Variants in ST8SIA6 observed in about 807,000 individuals in gnomAD.
ST8SIA6 encodes alpha-2,8-sialyltransferase 8F.
ST8SIA6 carries 39 observed loss-of-function variants against 33.6 expected under a neutral mutation model. That is an observed-to-expected ratio of 1.16 (90% confidence interval 0.90 to 1.52). The LOEUF is 1.52. Among genes scored for constraint, ST8SIA6 ranks in the 40% most tolerant of loss-of-function variants. ST8SIA6 has a pLI of 0.00. For synonymous variants in ST8SIA6, 172 were observed against 167.2 expected (o/e 1.03, Z -0.22); for missense variants, 441 against 443.8 (o/e 0.99, Z 0.06).
intron 2 of ST8SIA6, among the ~76,000 whole-genome samples, chr10:17,434,734 GACAC>G (rs112788153): frequency 6.7e-6 from 1 of 148,462 alleles, no homozygotes; most frequent in African/African-American, 2.5e-5. Flanking sequence ...GTGTTGGGAG[GACAC>G]ACACACACAC....
intron 2 of ST8SIA6, among the ~76,000 whole-genome samples, chr10:17,400,361 A>G (rs1850990179): frequency 6.6e-6 from 1 of 152,136 alleles, no homozygotes; most frequent in Non-Finnish European, 1.5e-5. Context: ...GTGAAACCCC[A>G]TGTCTACTAA....
intron 1 of ST8SIA6, 21 bp from the exon 2 acceptor site, chr10:17,453,678 C>A: frequency 1.5e-6 from 2 of 1,292,086 alleles, no homozygotes; most frequent in Non-Finnish European, 2.0e-6. Context: ...GGGGAGAAAA[C>A]TTAAGTTGCT....
intron 2 of ST8SIA6, among the ~76,000 whole-genome samples, chr10:17,421,190 G>A (rs775357996): frequency 3.3e-5 from 5 of 152,128 alleles, no homozygotes; most frequent in Non-Finnish European, 7.3e-5. Context: ...CCCTTACCTG[G>A]GGTAGAACAC....
intron 3 of ST8SIA6, among the ~76,000 whole-genome samples, chr10:17,376,601 T>C (rs971092533): frequency 6.6e-6 from 1 of 152,188 alleles, no homozygotes; most frequent in African/African-American, 2.4e-5. Context: ...ATTTCATTTA[T>C]CTGAGGCAAT....
At chr10:17,324,254 T>C (rs993441800) in intron 6 of ST8SIA6, among the ~76,000 whole-genome samples, 2 of 152,070 alleles carry the variant, frequency 1.3e-5, no homozygotes, top group Non-Finnish European at 2.9e-5. Flanking sequence ...GTCTATAACA[T>C]GACAGAAGAT....
At chr10:17,334,397 G>T (rs1314882673) in intron 4 of ST8SIA6, among the ~76,000 whole-genome samples, 1 of 151,692 alleles carries the variant, frequency 6.6e-6, no homozygotes, top group Admixed American at 6.6e-5. Context: ...AAGTTAGCCG[G>T]GCACGGTGGC....
At chr10:17,376,549 T>C (rs1849922223) in intron 3 of ST8SIA6, among the ~76,000 whole-genome samples, 1 of 152,142 alleles carries the variant, frequency 6.6e-6, no homozygotes, top group Non-Finnish European at 1.5e-5. Flanking sequence ...ATAAGTTGAT[T>C]TCCTGGGTCA....
chr10:17,359,663 A>G, intron 3 of ST8SIA6, 63 bp from the exon 4 acceptor site: 1 of 1,046,332 alleles, frequency 9.6e-7, no homozygotes, highest in Non-Finnish European at 1.4e-6. Context: ...TTCTTAGAAG[A>G]TACTGTTATA....
At chr10:17,412,953 A>G (rs997382944) in intron 2 of ST8SIA6, among the ~76,000 whole-genome samples, 34 of 152,210 alleles carry the variant, frequency 2.2e-4, no homozygotes, top group African/African-American at 8.2e-4. Context: ...CTCCAAAACT[A>G]TGTACATTAT....
intron 3 of ST8SIA6, among the ~76,000 whole-genome samples, chr10:17,368,590 A>T (rs1281117782): frequency 6.6e-6 from 1 of 152,118 alleles, no homozygotes; most frequent in East Asian, 1.9e-4. Flanking sequence ...AGAAAGTACG[A>T]GGAATAGTGT....
rs906540633 is a variant in ST8SIA6 at position 17,359,403 on chromosome 10, G to C, written c.377+111C>G. The C allele has an allele frequency of 1.9e-5, 14 of 735,452 alleles. No individual in the cohort carries two copies. In the African/African-American group the frequency reaches 2.5e-4, roughly 13 times the overall value. 45.6% of individuals were successfully genotyped at this position (735,452 alleles called of 1,614,324 possible). The stretch of plus-strand genomic sequence containing the variant: ...GTCTTAGAATTCAGTTGGCCTCATT[G>C]CCAGCTGGGGTTGGTTCTACTTCTC... On this transcript the variant is annotated intron_variant, in intron 4 of 7. Transcript: ENST00000377602.
chr10:17,430,356 C>T (rs1437009057), intron 2 of ST8SIA6, among the ~76,000 whole-genome samples: 2 of 152,026 alleles, frequency 1.3e-5, no homozygotes, highest in East Asian at 1.9e-4. Flanking sequence ...CTACTATAAA[C>T]GTGTGTGCAT....
intron 6 of ST8SIA6, among the ~76,000 whole-genome samples, chr10:17,324,071 T>C (rs1294141041): frequency 1.3e-5 from 2 of 152,186 alleles, no homozygotes; most frequent in Non-Finnish European, 2.9e-5. Context: ...TGCTTTTAAA[T>C]TGGAAAACAA....
At chr10:17,393,122 T>C (rs947309780) in intron 2 of ST8SIA6, among the ~76,000 whole-genome samples, 2 of 152,190 alleles carry the variant, frequency 1.3e-5, no homozygotes, top group African/African-American at 4.8e-5. Flanking sequence ...CGTTTTCTCC[T>C]GCCCTTGGAC....
At chr10:17,359,134 C>T (rs1341184872) in intron 4 of ST8SIA6, among the ~76,000 whole-genome samples, 1 of 152,100 alleles carries the variant, frequency 6.6e-6, no homozygotes, top group Non-Finnish European at 1.5e-5. Context: ...AAAAGTTGTT[C>T]TAAAGGGATG....
chr10:17,417,247 G>T (rs1163678869), intron 2 of ST8SIA6, among the ~76,000 whole-genome samples: 1 of 152,110 alleles, frequency 6.6e-6, no homozygotes, highest in Non-Finnish European at 1.5e-5. Flanking sequence ...AGACATTCAT[G>T]AGGGATCTGC....
At chr10:17,429,575 C>T (rs562744902) in intron 2 of ST8SIA6, among the ~76,000 whole-genome samples, 4 of 152,170 alleles carry the variant, frequency 2.6e-5, no homozygotes, top group East Asian at 1.9e-4. Context: ...TCCCACCTCC[C>T]GGGCTCAGGT....
intron 3 of ST8SIA6, among the ~76,000 whole-genome samples, chr10:17,374,385 G>A (rs1232226954): frequency 6.6e-6 from 1 of 151,976 alleles, no homozygotes; most frequent in Admixed American, 6.6e-5. Flanking sequence ...TTGTTTAAAT[G>A]CAAACATTTT....
chr10:17,387,260 T>G (rs919658056), intron 3 of ST8SIA6, among the ~76,000 whole-genome samples: 90 of 152,024 alleles, frequency 5.9e-4, no homozygotes, highest in African/African-American at 2.1e-3. Flanking sequence ...ATAATTTTTT[T>G]TTTTTTTTGA....
Sources: gnomAD v4.1 joint callset for allele counts (sites outside exome capture counted in the v4.1 genomes callset) on GRCh38, gnomAD v4.1.1 for gene constraint, MANE v1.5 for transcripts, NCBI Gene and HGNC (gene_info 2026-07-23, HGNC 2026-07-21) for gene names.